Variants in ABCA1 observed in about 807,000 individuals in gnomAD.
ABCA1 encodes the protein phospholipid-transporting ATPase ABCA1.
Under a neutral mutation model 262.5 loss-of-function variants are expected in ABCA1, and 133 were observed. The ratio of observed to expected loss-of-function variants is 0.51; its 90% CI spans 0.44 to 0.59. The LOEUF (loss-of-function observed/expected upper bound fraction) is 0.59. Among genes scored for constraint, ABCA1 ranks in the 20% least tolerant of loss-of-function variants. The pLI is 0.00. For missense variants in ABCA1, 2,452 were observed against 2,777.5 expected, an observed-to-expected ratio of 0.88 and a Z score of 2.63; for synonymous variants, 1,022 against 1,043.5, an observed-to-expected ratio of 0.98 and a Z score of 0.40.
At chr9:104,812,282 C>T (rs999025132) in intron 28 of ABCA1, among the ~76,000 whole-genome samples, 3 of 152,204 alleles carry the variant, frequency 2.0e-5, no homozygotes, top group African/African-American at 4.8e-5. Flanking sequence ...CAAAACTAAG[C>T]ACTTACTAAT....
chr9:104,802,211 T>C, intron 33 of ABCA1, 52 bp from the exon 34 acceptor site: 1 of 1,493,020 alleles, frequency 6.7e-7, no homozygotes, highest in African/African-American at 1.4e-5. Flanking sequence ...CACAGTATCA[T>C]CAGCAGCAGA....
chr9:104,789,444 G>A (rs995306348), intron 44 of ABCA1, among the ~76,000 whole-genome samples: 1 of 152,206 alleles, frequency 6.6e-6, no homozygotes, highest in Non-Finnish European at 1.5e-5. Context: ...CTGCAAAAAT[G>A]TAAGAGACAG....
Position 104,798,611 on chromosome 9 carries a change from AG to A in ABCA1, c.4944-14del. On this transcript the variant is annotated splice_polypyrimidine_tract_variant and intron_variant, in intron 36 of 49. Coordinates refer to ENST00000374736, the MANE Select transcript of ABCA1 (RefSeq NM_005502.4). ...TGATGTGGTCATCCTGGAGAGAAAA[AG>A]CGTGTGAAAATCTGAGGGGTCTTTG... 1 of 1,612,926 alleles carries A rather than the reference AG, an allele frequency of 6.2e-7. No individual in the cohort carries two copies.
intron 1 of ABCA1, among the ~76,000 whole-genome samples, chr9:104,920,965 G>A (rs746271692): frequency 1.3e-5 from 2 of 152,172 alleles, no homozygotes; most frequent in Non-Finnish European, 2.9e-5. Flanking sequence ...CTTGCCTAAT[G>A]TCAGATATCC....
intron 36 of ABCA1, 94 bp from the exon 37 acceptor site, chr9:104,798,692 A>G (rs1830096068): frequency 4.9e-6 from 5 of 1,030,150 alleles, no homozygotes; most frequent in Non-Finnish European, 7.4e-6. Context: ...ACACACACGT[A>G]CACACACACA....
intron 36 of ABCA1, among the ~76,000 whole-genome samples, 182 bp from the exon 37 acceptor site, chr9:104,798,780 T>C (rs144210574): frequency 4.9e-4 from 75 of 152,294 alleles, no homozygotes; most frequent in Middle Eastern, 6.8e-3. Context: ...TGATCATTTT[T>C]AAGTCTAAAA....
chr9:104,904,281 C>T (rs886426581), intron 1 of ABCA1, among the ~76,000 whole-genome samples: 25 of 152,148 alleles, frequency 1.6e-4, no homozygotes, highest in Non-Finnish European at 2.9e-4. Flanking sequence ...TGATAAAAAG[C>T]ACCATCGGCC....
At position 104,788,460 on chromosome 9, in the gene ABCA1, A is replaced by G; in HGVS notation, c.6035T>C (p.Leu2012Pro). The G allele has an allele frequency of 6.2e-7, 1 of 1,614,208 alleles. No homozygotes were observed. ...TTCTTTCTCTGGGACTCCTCTCAAA[A>G]GGGCAAAGAACTCCACGTGTTCTCT... ...TGREHVEFFA[L>P]LRGVPEKEVG... Residue 2012 changes from leucine to proline, a missense_variant, in exon 45 of 50, where the codon CTT (leucine) becomes CCT (proline). By Grantham distance (98) the Leu-to-Pro change is moderately conservative (BLOSUM62 -3). This residue lies in a region of ABCA1 where 752 missense variants were observed against 944.5 expected (regional missense o/e 0.80). Transcript: ENST00000374736.
intron 5 of ABCA1, among the ~76,000 whole-genome samples, chr9:104,868,823 GGACCTCTGGGACCCAGGTCCA>G: frequency 6.6e-6 from 1 of 152,152 alleles, no homozygotes; most frequent in East Asian, 1.9e-4. Flanking sequence ...GAACCAGCTG[GGACCTCTGGGACCCAGGTCCA>G]GGCCTCTGGG....
At chr9:104,793,337 G>A (rs900480095) in intron 40 of ABCA1, 37 bp from the exon 41 acceptor site, 4 of 1,613,822 alleles carry the variant, frequency 2.5e-6, no homozygotes, top group Non-Finnish European at 2.5e-6. Context: ...TCAGAATGGA[G>A]GGATCAAAAA....
intron 48 of ABCA1, among the ~76,000 whole-genome samples, 154 bp downstream of exon 48, chr9:104,786,144 T>C (rs1047664426): frequency 1.3e-5 from 2 of 152,204 alleles, no homozygotes; most frequent in Non-Finnish European, 2.9e-5. Context: ...AGAATTTGAA[T>C]GCAGTTCGGA....
intron 29 of ABCA1, among the ~76,000 whole-genome samples, chr9:104,810,213 T>TC (rs797017067): frequency 1.3e-5 from 2 of 149,466 alleles, no homozygotes; most frequent in African/African-American, 4.9e-5. Context: ...CTGACACAGT[T>TC]CCCCCATCTA....
intron 1 of ABCA1, among the ~76,000 whole-genome samples, chr9:104,905,111 A>ACTCT (rs1201159805): frequency 5.3e-5 from 8 of 152,094 alleles, no homozygotes; most frequent in African/African-American, 1.9e-4. Context: ...GTAGCCATGA[A>ACTCT]CTCTCCTAGC....
intron 22 of ABCA1, 67 bp downstream of exon 22, chr9:104,819,519 C>T (rs1212405450): frequency 8.7e-6 from 14 of 1,609,142 alleles, no homozygotes; most frequent in South Asian, 2.2e-5. Flanking sequence ...TGAGATACAG[C>T]CACACTTCTC....
intron 25 of ABCA1, 38 bp downstream of exon 25, chr9:104,816,105 C>A: frequency 6.2e-7 from 1 of 1,610,322 alleles, no homozygotes; most frequent in Non-Finnish European, 8.5e-7. Flanking sequence ...GGACATTTGG[C>A]CTTGCTATAT....
intron 28 of ABCA1, among the ~76,000 whole-genome samples, chr9:104,811,649 G>A (rs1831291080): frequency 1.3e-5 from 2 of 152,122 alleles, no homozygotes. Context: ...TAACCTTAAA[G>A]ATTCAAATAA....
chr9:104,831,654 G>A lies in ABCA1; in HGVS notation c.1683C>T (p.Asp561=), dbSNP rs779485419. 6.2e-7 allele frequency: 1 copy of A among 1,614,124 alleles called. No individual in the cohort carries two copies. The highest frequency in any genetic ancestry group is 1.1e-5 in the South Asian group (1 of 91,078). The change falls in exon 13 of 50, where the codon GAC becomes GAT. Residue 561 remains aspartate (D), a synonymous_variant. Coordinates refer to ENST00000374736, the MANE Select transcript of ABCA1 (RefSeq NM_005502.4). ...HVKYKIRMDI[D]NVERTNKIKD... is the part of the protein sequence containing the mutation. ...TGATTTTATTTGTCCTCTCCACATT[G>A]TCAATGTCCATTCGGATCTTGTACT...
At chr9:104,812,433 G>T in intron 28 of ABCA1, 141 bp downstream of exon 28, 2 of 1,102,396 alleles carry the variant, frequency 1.8e-6, no homozygotes, top group African/African-American at 1.5e-5. Context: ...AACTGGCAAG[G>T]AATAGAACTG....
intron 18 of ABCA1, among the ~76,000 whole-genome samples, chr9:104,823,404 G>T (rs967032627): frequency 4.6e-5 from 7 of 152,236 alleles, no homozygotes; most frequent in Admixed American, 1.3e-4. Flanking sequence ...CAATTTCATG[G>T]TTTTGATACT....
Sources: allele counts gnomAD v4.1 joint callset (sites outside exome capture counted in the v4.1 genomes callset), GRCh38; gene constraint gnomAD v4.1.1; regional missense constraint gnomAD v4.1.1; transcripts MANE v1.5; gene names NCBI Gene and HGNC (gene_info 2026-07-23, HGNC 2026-07-21).